Variants in OR3A1 observed in about 807,000 individuals in gnomAD.
OR3A1 encodes olfactory receptor 3A1.
For synonymous variants in OR3A1, 145 were observed against 160.0 expected (o/e 0.91, Z 0.71); for missense variants, 402 against 393.8 (o/e 1.02, Z -0.18).
intron 1 of OR3A1, among the ~76,000 whole-genome samples, chr17:3,297,268 T>C (rs932532915): frequency 2.6e-5 from 4 of 152,206 alleles, no homozygotes; most frequent in Non-Finnish European, 4.4e-5. Flanking sequence ...TCACTATAAA[T>C]ACTCTGTGAA....
rs902365637 is a variant in OR3A1 at position 3,291,481 on chromosome 17, G to C, written c.*154C>G. ...TCATTGCTTATAATTGGACAGGGCT[G>C]CTTTCAGAAATGAAAACTATTATTC... On this transcript the variant is annotated 3_prime_UTR_variant, in exon 2 of 2. Transcript: ENST00000323404. 1 of 605,118 alleles carries C rather than the reference G, an allele frequency of 1.7e-6. No homozygotes were observed. The highest frequency in any genetic ancestry group is 2.8e-6 in the Non-Finnish European group (1 of 352,652). 37.5% of individuals were successfully genotyped at this position (605,118 alleles called of 1,614,324 possible).
chr17:3,296,441 T>C lies in OR3A1; in HGVS notation c.-7+1842A>G, dbSNP rs145025012. On this transcript the variant is annotated intron_variant, in intron 1 of 1. Transcript: ENST00000323404. ...AGAAAAGGAACCATAAGAAAAGTCATAATAAAAGCAAAACTTGAGTAGAAA... is the reference window on the plus strand; with the variant it reads ...AGAAAAGGAACCATAAGAAAAGTCACAATAAAAGCAAAACTTGAGTAGAAA... Among the ~76,000 whole-genome samples, 262 of 152,138 alleles carry C rather than the reference T, an allele frequency of 1.7e-3. 2 individuals carry two copies. Among genetic ancestry groups the C allele is most frequent in the African/African-American group, 5.8e-3 (239 of 41,538 alleles).
At position 3,291,528 on chromosome 17, in the gene OR3A1, G is replaced by T; in HGVS notation, c.*107C>A. 2.5e-6 allele frequency: 2 copies of T among 795,302 alleles called. No individual in the cohort carries two copies. Among genetic ancestry groups the T allele is most frequent in the Non-Finnish European group, 3.9e-6 (2 of 506,978 alleles). The allele number at this position is 795,302 out of a possible 1,614,324, so 49.3% of individuals were successfully genotyped here. On this transcript the variant is annotated 3_prime_UTR_variant, in exon 2 of 2. Coordinates refer to ENST00000323404, the MANE Select transcript of OR3A1 (RefSeq NM_002550.3). ...ATTCCCTACAAAAAGTCCTTCTTAT[G>T]CCCATGAAACAGAAACAGGTGTGAA...
At chr17:3,297,492 G>A (rs1181226632) in intron 1 of OR3A1, among the ~76,000 whole-genome samples, 1 of 151,796 alleles carries the variant, frequency 6.6e-6, no homozygotes, top group East Asian at 1.9e-4. Context: ...CAATTAAAAT[G>A]TGCTTCCTCT....
intron 1 of OR3A1, among the ~76,000 whole-genome samples, chr17:3,297,399 C>A (rs1229785454): frequency 6.6e-6 from 1 of 152,176 alleles, no homozygotes; most frequent in Non-Finnish European, 1.5e-5. Context: ...CCCTTTGATT[C>A]TGTATCTTCC....
chr17:3,296,907 C>T (rs1350414356), intron 1 of OR3A1, among the ~76,000 whole-genome samples: 2 of 152,180 alleles, frequency 1.3e-5, no homozygotes, highest in Non-Finnish European at 2.9e-5. Flanking sequence ...CTTGACTGTA[C>T]TGGGATATTG....
At chr17:3,296,619 T>C (rs2048920149) in intron 1 of OR3A1, among the ~76,000 whole-genome samples, 1 of 152,142 alleles carries the variant, frequency 6.6e-6, no homozygotes, top group Admixed American at 6.6e-5. Flanking sequence ...CACAATTACA[T>C]TAAAAGATTA....
At position 3,292,271 on chromosome 17, in the gene OR3A1, G is replaced by A; in HGVS notation, c.312C>T (p.Leu104=). 3 of 1,614,194 alleles carry A rather than the reference G, an allele frequency of 1.9e-6. No homozygotes were observed. The highest frequency in any genetic ancestry group is 1.1e-5 in the South Asian group (1 of 91,078). The part of the protein sequence containing the change: ...AVPCGACLTQ[L]FFFHLFVGVD... ...CTCCAACGAACAGATGGAAGAAGAA[G>A]AGCTGGGTAAGGCAGGCCCCACAGG... Residue 104 remains leucine, a synonymous_variant, in exon 2 of 2, where the codon CTC becomes CTT. Transcript: ENST00000323404.
At chr17:3,295,595 T>A (rs572386231) in intron 1 of OR3A1, among the ~76,000 whole-genome samples, 1 of 151,986 alleles carries the variant, frequency 6.6e-6, no homozygotes, top group African/African-American at 2.4e-5. Context: ...CCAAACACAC[T>A]TACAATGATA....
intron 1 of OR3A1, among the ~76,000 whole-genome samples, chr17:3,296,764 T>C (rs1007834738): frequency 6.6e-6 from 1 of 152,236 alleles, no homozygotes; most frequent in South Asian, 2.1e-4. Context: ...CTAATTACTA[T>C]GGGAAAAAGA....
At chr17:3,296,941 C>T (rs1344622690) in intron 1 of OR3A1, among the ~76,000 whole-genome samples, 2 of 152,214 alleles carry the variant, frequency 1.3e-5, no homozygotes, top group African/African-American at 4.8e-5. Flanking sequence ...TTTCAAATTA[C>T]GTTTATGGAA....
intron 1 of OR3A1, among the ~76,000 whole-genome samples, chr17:3,296,724 C>G (rs898285973): frequency 1.3e-5 from 2 of 152,022 alleles, no homozygotes; most frequent in African/African-American, 4.8e-5. Context: ...TGAAAACTTG[C>G]TCGAGAAAAG....
At position 3,292,039 on chromosome 17, in the gene OR3A1, A is replaced by C. The variant is rs2048875744; in HGVS notation, c.544T>G (p.Cys182Gly). 4 of 1,614,232 alleles carry C rather than the reference A, an allele frequency of 2.5e-6. No homozygotes were observed. The highest frequency in any genetic ancestry group is 3.4e-6 in the Non-Finnish European group (4 of 1,180,048). The change falls in exon 2 of 2, where the codon TGT becomes GGT. Residue 182 changes from cysteine to glycine, a missense_variant. By Grantham distance (159) the Cys-to-Gly change is radical. Coordinates refer to ENST00000323404, the MANE Select transcript of OR3A1 (RefSeq NM_002550.3). ...AGCTGGAAGAGCTGTGGGAGGTCAC[A>C]GTAGAAGTGATTGATCACATTGGGG... Reference protein sequence around the residue: ...CGPNVINHFYCDLPQLFQLSC... With the variant: ...CGPNVINHFYGDLPQLFQLSC...
intron 1 of OR3A1, among the ~76,000 whole-genome samples, chr17:3,292,909 C>T (rs993367059): frequency 6.6e-6 from 1 of 151,970 alleles, no homozygotes; most frequent in Non-Finnish European, 1.5e-5. Flanking sequence ...AAAAAGTGTA[C>T]TTCTGGTTTG....
chr17:3,294,376 T>C (rs191733862), intron 1 of OR3A1, among the ~76,000 whole-genome samples: 214 of 151,774 alleles, frequency 1.4e-3, no homozygotes, highest in African/African-American at 4.7e-3. Flanking sequence ...ATTAGACAGA[T>C]GCAGGAACAG....
rs1351999046 is a variant in OR3A1 at position 3,292,183 on chromosome 17, T to C, written c.400A>G (p.Thr134Ala). ...DRFLAICRPL[T>A]YSTRMSQTVQ... ...GTCTGACTCATGCGGGTGCTGTAGG[T>C]GAGGGGCCGGCAGATGGCCAGGAAT... Residue 134 changes from threonine to alanine, a missense_variant, in exon 2 of 2, where the codon ACC becomes GCC. Physicochemically the swap from Thr to Ala is moderately conservative, Grantham distance 58. Transcript: ENST00000323404. 4 of 1,613,550 alleles carry C rather than the reference T, an allele frequency of 2.5e-6. No individual in the cohort carries two copies. The highest frequency in any genetic ancestry group is 2.7e-5 in the African/African-American group (2 of 74,738).
Position 3,292,412 on chromosome 17 carries a change from T to A in OR3A1, c.171A>T (p.Lys57Asn). 2 of 1,612,106 alleles carry A rather than the reference T, an allele frequency of 1.2e-6. No individual in the cohort carries two copies. The highest frequency in any genetic ancestry group is 4.5e-5 in the East Asian group (2 of 44,764). ...GGAAGAAGTACATGGGGGTGTGGAG[T>A]TTGGGCTCCACCAAGACAGCTGCCA... is the stretch of plus-strand genomic sequence containing the variant. ...SILAAVLVEPKLHTPMYFFLG... is the reference protein window; with the variant it reads ...SILAAVLVEPNLHTPMYFFLG... Residue 57 changes from lysine to asparagine, a missense_variant, in exon 2 of 2, where the codon AAA (lysine) becomes AAT (asparagine). Lys to Asn is a moderately conservative substitution (Grantham distance 94). Coordinates refer to ENST00000323404, the MANE Select transcript of OR3A1 (RefSeq NM_002550.3).
intron 1 of OR3A1, among the ~76,000 whole-genome samples, chr17:3,293,025 T>G (rs1369816326): frequency 6.6e-6 from 1 of 151,984 alleles, no homozygotes; most frequent in East Asian, 1.9e-4. Flanking sequence ...AACTAGTAAG[T>G]GTCCACAACC....
At chr17:3,294,070 G>GT (rs1328227914) in intron 1 of OR3A1, among the ~76,000 whole-genome samples, 1 of 151,816 alleles carries the variant, frequency 6.6e-6, no homozygotes, top group East Asian at 1.9e-4. Flanking sequence ...GTTTACCTAT[G>GT]TGACAAACCT....
Sources: allele counts gnomAD v4.1 joint callset (sites outside exome capture counted in the v4.1 genomes callset), GRCh38; gene constraint gnomAD v4.1.1; transcripts MANE v1.5; gene names NCBI Gene and HGNC (gene_info 2026-07-23, HGNC 2026-07-21).